Variants in NEDD9 observed in about 807,000 individuals in gnomAD.
NEDD9 encodes the protein enhancer of filamentation 1.
NEDD9 carries 26 observed loss-of-function variants against 76.6 expected under a neutral mutation model. The ratio of observed to expected loss-of-function variants is 0.34; its 90% CI spans 0.25 to 0.47. The LOEUF (loss-of-function observed/expected upper bound fraction) is 0.47, where lower values mean the gene tolerates loss of function less well. Among genes scored for constraint, NEDD9 ranks in the 20% least tolerant of loss-of-function variants. The pLI is 1.00. For synonymous variants in NEDD9, 392 were observed against 414.2 expected (o/e 0.95, Z 0.65); for missense variants, 937 against 1,058.5 (o/e 0.89, Z 1.59).
intron 3 of NEDD9, among the ~76,000 whole-genome samples, chr6:11,257,881 C>G (rs1760036008): frequency 1.3e-5 from 2 of 151,762 alleles, no homozygotes; most frequent in Admixed American, 6.6e-5. Context: ...AGTTATTTGT[C>G]CCCTACTCAT....
intron 2 of NEDD9, among the ~76,000 whole-genome samples, chr6:11,211,250 T>G (rs1202313315): frequency 6.6e-6 from 1 of 152,160 alleles, no homozygotes; most frequent in Non-Finnish European, 1.5e-5. Flanking sequence ...AGTCCGTATC[T>G]CTGCCCTCTG....
At chr6:11,347,863 T>C (rs1762392945) in intron 1 of NEDD9, among the ~76,000 whole-genome samples, 1 of 152,208 alleles carries the variant, frequency 6.6e-6, no homozygotes, top group South Asian at 2.1e-4. Context: ...GCTGGAAGCA[T>C]TCCCCTTGAA....
At chr6:11,277,133 A>T (rs901751776) in intron 3 of NEDD9, among the ~76,000 whole-genome samples, 1 of 152,232 alleles carries the variant, frequency 6.6e-6, no homozygotes, top group Non-Finnish European at 1.5e-5. Flanking sequence ...CGGAACTATC[A>T]CGCTGCAAAG....
In NEDD9 at chr6:11,257,810, T is replaced by TGTGTGTGTGTGC. The variant is rs1340885962; in HGVS notation, c.13-44084_13-44083insGCACACACACAC. Reference sequence around the variant, plus strand: ...GTGTGTGTGTGTGTGTGTGTGTGTGTGCAGTACGGCATCAAAGGTTATCTT... The same window carrying TGTGTGTGTGTGC: ...GTGTGTGTGTGTGTGTGTGTGTGTGTGTGTGTGTGTGCGCAGTACGGCATCAAAGGTTATCTT... On this transcript the variant is annotated intron_variant, in intron 3 of 3. Transcript: ENST00000397378. Among the ~76,000 whole-genome samples, 127 of 151,408 alleles carry TGTGTGTGTGTGC rather than the reference T, an allele frequency of 8.4e-4. 1 individual carries two copies. The highest frequency in any genetic ancestry group is 2.9e-3 in the African/African-American group (120 of 41,040).
At chr6:11,240,030 G>A (rs1402236904) in intron 3 of NEDD9, among the ~76,000 whole-genome samples, 4 of 140,016 alleles carry the variant, frequency 2.9e-5, no homozygotes, top group East Asian at 4.2e-4. Context: ...GGGACAGAGC[G>A]AGACTTCATC....
At chr6:11,257,732 T>C (rs753367675) in intron 3 of NEDD9, among the ~76,000 whole-genome samples, 18 of 151,788 alleles carry the variant, frequency 1.2e-4, no homozygotes, top group Non-Finnish European at 2.4e-4. Context: ...TTCTCATTTC[T>C]GCCTTCCAGC....
chr6:11,346,916 G>C (rs1057007585), intron 1 of NEDD9, among the ~76,000 whole-genome samples: 1 of 152,122 alleles, frequency 6.6e-6, no homozygotes, highest in African/African-American at 2.4e-5. Flanking sequence ...GTTGTGAAAG[G>C]TCAGCCAGCT....
At chr6:11,375,830 C>G (rs1042753227) in intron 1 of NEDD9, among the ~76,000 whole-genome samples, 1 of 150,302 alleles carries the variant, frequency 6.7e-6, no homozygotes, top group Admixed American at 6.6e-5. Flanking sequence ...TTTCTTTTTT[C>G]TTTCTTTTTT....
At chr6:11,188,527 C>T (rs547627004) in intron 5 of NEDD9, among the ~76,000 whole-genome samples, 48 of 151,494 alleles carry the variant, frequency 3.2e-4, no homozygotes, top group Non-Finnish European at 6.2e-4. Flanking sequence ...TTAAAATTTT[C>T]GGAGAGCTAC....
chr6:11,209,820 G>GGT (rs1385172636), intron 2 of NEDD9, among the ~76,000 whole-genome samples: 1 of 152,086 alleles, frequency 6.6e-6, no homozygotes, highest in Non-Finnish European at 1.5e-5. Flanking sequence ...TTCCTAAAAG[G>GGT]GTGGGGATTT....
At chr6:11,275,342 T>C (rs1760393523) in intron 3 of NEDD9, among the ~76,000 whole-genome samples, 1 of 152,176 alleles carries the variant, frequency 6.6e-6, no homozygotes, top group Non-Finnish European at 1.5e-5. Flanking sequence ...TGTGTCATGG[T>C]GACTATAGTT....
In NEDD9 at chr6:11,190,957, CG is replaced by C. The variant is rs1561779959; in HGVS notation, c.911del (p.Pro304ArgfsTer124). 8.1e-6 allele frequency: 13 copies of C among 1,613,892 alleles called. No individual in the cohort carries two copies. Among genetic ancestry groups the C allele is most frequent in the Non-Finnish European group, 1.0e-5 (12 of 1,179,986 alleles). On this transcript the variant is annotated frameshift_variant, in exon 5 of 7. Transcript: ENST00000379446. LOFTEE classifies it high-confidence loss of function. The surrounding 1 kb of genome is among the most constrained non-coding windows in gnomAD (Gnocchi z 5.8). Reference sequence around the variant, plus strand: ...GAGAGCCCACTGACTGTCCGAGTTGCGGGGGTGGGTGATTCGGGGACAGGCT... The same window carrying C: ...GAGAGCCCACTGACTGTCCGAGTTGCGGGGTGGGTGATTCGGGGACAGGCT... The part of the protein sequence containing the change: ...HQSLSPNHPP[P>X]QLGQSVGSQN...
rs188016802 is a variant in NEDD9 at position 11,184,089 on chromosome 6, T to A, written c.*1073A>T. On this transcript the variant is annotated 3_prime_UTR_variant, in exon 7 of 7. Transcript: ENST00000379446. The stretch of plus-strand genomic sequence containing the variant: ...CTCTTGAGTGTCAGGTCTGCATATG[T>A]GAGTTTTAAAGAAGGTGCAAGATAG... The A allele has an allele frequency of 2.0e-5, 3 of 152,340 alleles. No individual in the cohort carries two copies. Among genetic ancestry groups the A allele is most frequent in the Admixed American group, 2.0e-4 (3 of 15,304 alleles). The allele number at this position is 152,340 out of a possible 1,614,324, so 9.4% of individuals were successfully genotyped here.
At chr6:11,368,818 T>A (rs905709783) in intron 1 of NEDD9, among the ~76,000 whole-genome samples, 5 of 152,188 alleles carry the variant, frequency 3.3e-5, no homozygotes, top group Non-Finnish European at 7.3e-5. Flanking sequence ...ATTCTTTACA[T>A]CCCTTCTCTT....
At chr6:11,256,096 G>C (rs925100129) in intron 3 of NEDD9, among the ~76,000 whole-genome samples, 1 of 152,190 alleles carries the variant, frequency 6.6e-6, no homozygotes, top group Non-Finnish European at 1.5e-5. Flanking sequence ...CTAGAGGCTG[G>C]TAGGGCATGG....
chr6:11,369,485 A>G (rs1201411314), intron 1 of NEDD9, among the ~76,000 whole-genome samples: 2 of 152,202 alleles, frequency 1.3e-5, no homozygotes, highest in Non-Finnish European at 2.9e-5. Context: ...TGTGTACTAC[A>G]CAACCTGGCA....
chr6:11,290,012 T>C (rs917675344), intron 3 of NEDD9, among the ~76,000 whole-genome samples: 22 of 152,224 alleles, frequency 1.4e-4, no homozygotes, highest in Non-Finnish European at 3.1e-4. Context: ...TGTAACTAAC[T>C]GTTCCATTAG....
At chr6:11,371,829 T>G (rs1762881239) in intron 1 of NEDD9, among the ~76,000 whole-genome samples, 1 of 152,162 alleles carries the variant, frequency 6.6e-6, no homozygotes, top group Non-Finnish European at 1.5e-5. Flanking sequence ...AAAGGCTGTT[T>G]TTTTTCTTTT....
chr6:11,213,209 TTTCCAAATGCTCCAAGTG>T lies in NEDD9; in HGVS notation c.459+54_459+71del. 7.2e-7 allele frequency: 1 copy of T among 1,389,868 alleles called. No individual in the cohort carries two copies. The highest frequency in any genetic ancestry group is 2.3e-5 in the East Asian group (1 of 42,676). The allele number at this position is 1,389,868 out of a possible 1,614,324, so 86.1% of individuals were successfully genotyped here. ...GCTTCAAGTTATTAATTTGGGAACATTTCCAAATGCTCCAAGTGTAATGGGAAAAAAAAATAAGTAGGA... is the reference window on the plus strand; with the variant it reads ...GCTTCAAGTTATTAATTTGGGAACATTAATGGGAAAAAAAAATAAGTAGGA... On this transcript the variant is annotated intron_variant, in intron 2 of 6. Coordinates refer to ENST00000379446, the MANE Select transcript of NEDD9 (RefSeq NM_006403.4). This position sits in a 1 kb window ranked among gnomAD's most constrained non-coding sequence, Gnocchi z 5.4.
Sources: allele counts gnomAD v4.1 joint callset (sites outside exome capture counted in the v4.1 genomes callset), GRCh38; gene constraint gnomAD v4.1.1; non-coding constraint Gnocchi (gnomAD v3.1); transcripts MANE v1.5; gene names NCBI Gene and HGNC (gene_info 2026-07-23, HGNC 2026-07-21).